The following TOR1AIP2 variants were observed in gnomAD, a reference collection of about 807,000 sequenced individuals.
The protein encoded by TOR1AIP2 is torsin-1A-interacting protein 2.
TOR1AIP2 carries 20 observed loss-of-function variants against 32.6 expected under a neutral mutation model. The ratio of observed to expected loss-of-function variants is 0.61; its 90% CI spans 0.43 to 0.89. The LOEUF is 0.89. Among genes scored for constraint, TOR1AIP2 ranks in the 40% least tolerant of loss-of-function variants. TOR1AIP2 has a pLI of 0.00. For missense variants in TOR1AIP2, 456 were observed against 553.8 expected (o/e 0.82, Z 1.77); for synonymous variants, 214 against 210.8 (o/e 1.02, Z -0.13).
At position 179,851,201 on chromosome 1, in the gene TOR1AIP2, G is replaced by A; in HGVS notation, c.197C>T (p.Thr66Ile). The change falls in exon 5 of 7, where the codon ACA (threonine) becomes ATA (isoleucine). Residue 66 changes from threonine to isoleucine, a missense_variant. Coordinates refer to ENST00000609928, the MANE Select transcript of TOR1AIP2 (RefSeq NM_001199260.2). ...VETEGPESAD[T>I]GDKSESPDEA... ...ATCTGGACTTTCTGATTTATCACCT[G>A]TATCTGCACTTTCTGGACCTTCTGT... The A allele has an allele frequency of 6.2e-7, 1 of 1,613,780 alleles. No homozygotes were observed. Among genetic ancestry groups the A allele is most frequent in the South Asian group, 1.1e-5 (1 of 91,072 alleles).
At chr1:179,853,256 G>T (rs527288885) in intron 3 of TOR1AIP2, among the ~76,000 whole-genome samples, 15 of 152,314 alleles carry the variant, frequency 9.8e-5, no homozygotes, top group African/African-American at 3.6e-4. Flanking sequence ...ACAATGCACA[G>T]GAGGTTCCCA....
chr1:179,860,438 C>T (rs1418567021), intron 3 of TOR1AIP2: 13 of 977,252 alleles, frequency 1.3e-5, no homozygotes, highest in African/African-American at 5.3e-5. Flanking sequence ...GCCATGATGG[C>T]GCCACTGCAC....
Position 179,848,957 on chromosome 1 carries a change from C to T in TOR1AIP2, c.554-1321G>A, listed in dbSNP as rs182085329. ...CATCCTGGCTAATACGGTGAAATCC[C>T]GTCTCTACTAAAAATACAAAAAAAA... On this transcript the variant is annotated intron_variant, in intron 5 of 6. Transcript: ENST00000609928. 5.9e-3 allele frequency among the ~76,000 whole-genome samples: 890 copies of T among 151,720 alleles called. 7 individuals are homozygous for T. The highest frequency in any genetic ancestry group is 0.021 in the African/African-American group (861 of 41,318).
At position 179,845,863 on chromosome 1, in the gene TOR1AIP2, C is replaced by T; in HGVS notation, c.*208G>A. The T allele has an allele frequency of 2.0e-6, 1 of 511,588 alleles. No individual in the cohort carries two copies. The highest frequency in any genetic ancestry group is 3.3e-6 in the Non-Finnish European group (1 of 303,192). 31.7% of individuals were successfully genotyped at this position (511,588 alleles called of 1,614,324 possible). A position where few individuals can be genotyped will look rare whatever the true frequency, so the allele number is the denominator to read the frequency against. On this transcript the variant is annotated 3_prime_UTR_variant, in exon 7 of 7. Coordinates refer to ENST00000609928, the MANE Select transcript of TOR1AIP2 (RefSeq NM_001199260.2). ...CTGATTTGGTCCAAAGAAAAAAAGT[C>T]AGGTTAATTTTTAGCTTTGTCAAGG...
At chr1:179,863,482 C>A (rs1311884475) in intron 3 of TOR1AIP2, 2 of 984,706 alleles carry the variant, frequency 2.0e-6, no homozygotes, top group East Asian at 1.1e-4. Flanking sequence ...TCTGTTACAA[C>A]AAGAAGTCAT....
Position 179,846,327 on chromosome 1 carries a change from T to G in TOR1AIP2, c.1157A>C (p.Asn386Thr), listed in dbSNP as rs760297975. 1.2e-6 allele frequency: 2 copies of G among 1,614,230 alleles called. No homozygotes were observed. Among genetic ancestry groups the G allele is most frequent in the South Asian group, 2.2e-5 (2 of 91,082 alleles). Residue 386 changes from asparagine to threonine, a missense_variant, in exon 7 of 7, where the codon AAT becomes ACT. Physicochemically the swap from Asn to Thr is moderately conservative, Grantham distance 65. Coordinates refer to ENST00000609928, the MANE Select transcript of TOR1AIP2 (RefSeq NM_001199260.2). ...CAGGGCCACATCTTTAAAGGCAGCA[T>G]TCTCATGATCACAATACTTATAGAA... ...LIFYKYCDHE[N>T]AAFKDVALVL...
At chr1:179,864,867 G>C in intron 3 of TOR1AIP2, 1 of 1,613,954 alleles carries the variant, frequency 6.2e-7, no homozygotes, top group Non-Finnish European at 8.5e-7. Context: ...CCAGCTACTC[G>C]AGAGTCATGT....
At chr1:179,847,662 T>G (rs774344789) in intron 5 of TOR1AIP2, 26 bp from the exon 6 acceptor site, 4 of 1,451,658 alleles carry the variant, frequency 2.8e-6, no homozygotes, top group Non-Finnish European at 2.9e-6. Flanking sequence ...ATCAATATTA[T>G]TTTTAGGCAG....
intron 3 of TOR1AIP2, chr1:179,864,312 T>G: frequency 1.0e-6 from 1 of 986,222 alleles, no homozygotes; most frequent in Non-Finnish European, 1.2e-6. Context: ...GACCAATGCA[T>G]AAGAGGTGAG....
chr1:179,875,856 C>G (rs776790254), intron 2 of TOR1AIP2: 3 of 152,182 alleles, frequency 2.0e-5, no homozygotes, highest in Admixed American at 1.3e-4. Context: ...TTCCTTATTC[C>G]CAAGTGCTTG....
chr1:179,863,989 T>A, intron 3 of TOR1AIP2: 1 of 985,402 alleles, frequency 1.0e-6, no homozygotes, highest in Non-Finnish European at 1.2e-6. Context: ...GCTTGATAAT[T>A]TCTTTTGTCA....
chr1:179,851,011 A>G lies in TOR1AIP2; in HGVS notation c.387T>C (p.Asp129=). 6.2e-7 allele frequency: 1 copy of G among 1,614,210 alleles called. No individual in the cohort carries two copies. Among genetic ancestry groups the G allele is most frequent in the South Asian group, 1.1e-5 (1 of 91,084 alleles). Residue 129 remains aspartate, a synonymous_variant, in exon 5 of 7, where the codon GAT becomes GAC. Transcript: ENST00000609928. ...CCACAGAGCTGCTCCCTAAGTGTGC[A>G]TCTGCTCTTCCTACCTTGTCACTTG... ...HSPSDKVGRA[D]AHLGSSSVAL...
chr1:179,864,904 C>A (rs1466048075), intron 3 of TOR1AIP2: 4 of 1,613,850 alleles, frequency 2.5e-6, no homozygotes, highest in African/African-American at 2.7e-5. Context: ...GTGGAGGACC[C>A]AGAAGAAATG....
intron 5 of TOR1AIP2, among the ~76,000 whole-genome samples, chr1:179,850,028 T>C (rs1410182231): frequency 6.6e-6 from 1 of 152,258 alleles, no homozygotes; most frequent in African/African-American, 2.4e-5. Flanking sequence ...TTTATATTCT[T>C]TTGCACTGGC....
chr1:179,857,260 A>G (rs1696338042), intron 3 of TOR1AIP2, among the ~76,000 whole-genome samples: 1 of 152,244 alleles, frequency 6.6e-6, no homozygotes, highest in Non-Finnish European at 1.5e-5. Flanking sequence ...AATAAAATGT[A>G]GTCTCATTGC....
At chr1:179,854,298 AC>A (rs1159417954) in intron 3 of TOR1AIP2, among the ~76,000 whole-genome samples, 2 of 152,142 alleles carry the variant, frequency 1.3e-5, no homozygotes, top group East Asian at 3.8e-4. Flanking sequence ...AAAAATATAG[AC>A]CTTTATTGAA....
chr1:179,850,833 G>A lies in TOR1AIP2; in HGVS notation c.553+12C>T. On this transcript the variant is annotated intron_variant, in intron 5 of 6. Coordinates refer to ENST00000609928, the MANE Select transcript of TOR1AIP2 (RefSeq NM_001199260.2). ...GTACAAAACAGGAGAGTAGTTCAGG[G>A]GGTTCTCTTACCTGGGGCCAGCAGT... 6.2e-7 allele frequency: 1 copy of A among 1,610,600 alleles called. No homozygotes were observed. Among genetic ancestry groups the A allele is most frequent in the Non-Finnish European group, 8.5e-7 (1 of 1,177,948 alleles).
chr1:179,863,723 A>G (rs1696651306), intron 3 of TOR1AIP2: 2 of 984,936 alleles, frequency 2.0e-6, no homozygotes, highest in African/African-American at 3.5e-5. Flanking sequence ...GGAAGGACAC[A>G]AAGAAGCTGG....
At chr1:179,860,808 A>T in intron 3 of TOR1AIP2, 1 of 985,480 alleles carries the variant, frequency 1.0e-6, no homozygotes, top group Non-Finnish European at 1.2e-6. Flanking sequence ...CCAAAATTCC[A>T]TGGAGACTCA....
Sources: allele counts gnomAD v4.1 joint callset (sites outside exome capture counted in the v4.1 genomes callset), GRCh38; gene constraint gnomAD v4.1.1; transcripts MANE v1.5; gene names NCBI Gene and HGNC (gene_info 2026-07-23, HGNC 2026-07-21).